The following CTTNBP2 variants were observed in gnomAD, a reference collection of about 807,000 sequenced individuals.
CTTNBP2 encodes cortactin-binding protein 2.
A neutral mutation model predicts 156.9 loss-of-function variants in CTTNBP2; 108 were observed. The ratio of observed to expected loss-of-function variants is 0.69; its 90% CI spans 0.59 to 0.81. CTTNBP2 has a LOEUF of 0.81. Among genes scored for constraint, CTTNBP2 ranks in the 30% least tolerant of loss-of-function variants. The probability of loss-of-function intolerance (pLI) is 0.00; values close to 1 mark genes in which losing one functional copy is unlikely to be tolerated. For missense variants in CTTNBP2, 1,924 were observed against 2,035.4 expected, an observed-to-expected ratio of 0.95 and a Z score of 1.05; for synonymous variants, 767 against 751.8, an observed-to-expected ratio of 1.02 and a Z score of -0.33.
At chr7:117,828,634 A>G (rs1801434489) in intron 2 of CTTNBP2, among the ~76,000 whole-genome samples, 1 of 152,236 alleles carries the variant, frequency 6.6e-6, no homozygotes, top group South Asian at 2.1e-4. Flanking sequence ...GTAAAACTGA[A>G]CAGGCCATTT....
intron 3 of CTTNBP2, among the ~76,000 whole-genome samples, chr7:117,801,680 A>G (rs1799612616): frequency 6.6e-6 from 1 of 152,064 alleles, no homozygotes; most frequent in Admixed American, 6.5e-5. Context: ...GTAAAAAACC[A>G]TATGTCTTTA....
At chr7:117,758,134 C>T (rs747857450) in intron 10 of CTTNBP2, 164 bp from the exon 11 acceptor site, 10 of 559,842 alleles carry the variant, frequency 1.8e-5, no homozygotes, top group Non-Finnish European at 3.1e-5. Flanking sequence ...GGTTAGCTCC[C>T]TAATGAAATT....
intron 2 of CTTNBP2, among the ~76,000 whole-genome samples, chr7:117,818,024 T>C (rs1165722547): frequency 6.6e-6 from 1 of 152,200 alleles, no homozygotes; most frequent in Non-Finnish European, 1.5e-5. Flanking sequence ...CAAAAATAAT[T>C]ACTGTTTACA....
At chr7:117,797,006 C>T (rs1283337941) in intron 3 of CTTNBP2, among the ~76,000 whole-genome samples, 6 of 152,186 alleles carry the variant, frequency 3.9e-5, no homozygotes, top group Admixed American at 3.3e-4. Context: ...AAGAGTAAAC[C>T]CTCCTGTAAG....
chr7:117,822,772 C>T (rs563321289), intron 2 of CTTNBP2, among the ~76,000 whole-genome samples: 3 of 152,282 alleles, frequency 2.0e-5, no homozygotes, highest in Non-Finnish European at 2.9e-5. Flanking sequence ...TATGGTCTAC[C>T]TCAGTAAATG....
At chr7:117,791,055 G>A in intron 4 of CTTNBP2, 73 bp downstream of exon 4, 2 of 1,276,874 alleles carry the variant, frequency 1.6e-6, no homozygotes, top group East Asian at 4.7e-5. Context: ...TCAAGGCAAT[G>A]TGAAGAAAAT....
At chr7:117,763,555 CTTTTTTTT>C (rs767309488) in intron 9 of CTTNBP2, among the ~76,000 whole-genome samples, 12,527 of 103,532 alleles carry the variant, frequency 0.12, 795 homozygotes, top group African/African-American at 0.25. Context: ...TCTTCTTCTT[CTTTTTTTT>C]TTTTTTTTTT....
At chr7:117,842,763 A>G (rs78183087) in intron 2 of CTTNBP2, among the ~76,000 whole-genome samples, 4,371 of 152,334 alleles carry the variant, frequency 0.029, 223 homozygotes, top group African/African-American at 0.1. Context: ...CTGTGTCTAT[A>G]CAATATTCAT....
At chr7:117,867,278 T>G (rs996381251) in intron 1 of CTTNBP2, among the ~76,000 whole-genome samples, 19 of 152,268 alleles carry the variant, frequency 1.2e-4, no homozygotes, top group African/African-American at 4.3e-4. Flanking sequence ...CTCCTCTGAT[T>G]CATCTGGGTA....
chr7:117,818,054 A>C (rs1203397477), intron 2 of CTTNBP2, among the ~76,000 whole-genome samples: 1 of 152,232 alleles, frequency 6.6e-6, no homozygotes, highest in African/African-American at 2.4e-5. Flanking sequence ...AAATCAGAAC[A>C]AAGAAATTAG....
intron 7 of CTTNBP2, among the ~76,000 whole-genome samples, chr7:117,778,618 A>G (rs1021699350): frequency 1.3e-5 from 2 of 152,114 alleles, no homozygotes; most frequent in Non-Finnish European, 2.9e-5. Context: ...GGGGCTACCA[A>G]TCTGACTTAA....
intron 2 of CTTNBP2, among the ~76,000 whole-genome samples, chr7:117,822,821 T>C (rs1336857119): frequency 6.6e-6 from 1 of 152,228 alleles, no homozygotes; most frequent in Non-Finnish European, 1.5e-5. Context: ...TTCTGCATTG[T>C]TGGATCTCAT....
At chr7:117,735,501 G>A in intron 14 of CTTNBP2, 80 bp from the exon 15 acceptor site, 1 of 1,238,002 alleles carries the variant, frequency 8.1e-7, no homozygotes, top group Non-Finnish European at 1.1e-6. Context: ...AAAGTCTGAA[G>A]TTATAAAGCA....
intron 3 of CTTNBP2, among the ~76,000 whole-genome samples, chr7:117,808,367 C>T (rs182861619): frequency 7.8e-4 from 119 of 152,128 alleles, no homozygotes; most frequent in African/African-American, 2.8e-3. Flanking sequence ...AGGCAAAGTT[C>T]CCCATGATGA....
intron 3 of CTTNBP2, among the ~76,000 whole-genome samples, chr7:117,803,804 A>C (rs1357321533): frequency 6.6e-6 from 1 of 152,150 alleles, no homozygotes; most frequent in Non-Finnish European, 1.5e-5. Flanking sequence ...TTCTTGAAGA[A>C]ATGGGTACCA....
chr7:117,760,821 C>T (rs1375844482), intron 9 of CTTNBP2, 111 bp from the exon 10 acceptor site: 2 of 733,244 alleles, frequency 2.7e-6, no homozygotes, highest in Admixed American at 2.8e-5. Context: ...TAAACCAAAG[C>T]TATTTTATTT....
chr7:117,784,575 G>T, intron 4 of CTTNBP2, 121 bp from the exon 5 acceptor site: 2 of 611,500 alleles, frequency 3.3e-6, no homozygotes, highest in Non-Finnish European at 5.3e-6. Flanking sequence ...AGGATTATGT[G>T]GTTTCTAACA....
intron 3 of CTTNBP2, among the ~76,000 whole-genome samples, chr7:117,794,218 C>A (rs1241504488): frequency 1.3e-5 from 2 of 152,110 alleles, no homozygotes; most frequent in Non-Finnish European, 1.5e-5. Flanking sequence ...CATGTTACTG[C>A]AAATTTCTCA....
At chr7:117,828,992 CT>C (rs1287002651) in intron 2 of CTTNBP2, among the ~76,000 whole-genome samples, 1 of 152,246 alleles carries the variant, frequency 6.6e-6, no homozygotes, top group East Asian at 1.9e-4. Flanking sequence ...TGATTTATGA[CT>C]GGCTGTGGTC....
Sources: allele counts gnomAD v4.1 joint callset (sites outside exome capture counted in the v4.1 genomes callset), GRCh38; gene constraint gnomAD v4.1.1; transcripts MANE v1.5; gene names NCBI Gene and HGNC (gene_info 2026-07-23, HGNC 2026-07-21).